NASP: variants seen among roughly 807,000 people sequenced by gnomAD.
NASP encodes NASP histone chaperone.
In NASP, 24 loss-of-function variants were observed where a neutral mutation model predicts 89.5. The ratio of observed to expected loss-of-function variants is 0.27; its 90% CI spans 0.19 to 0.38. The LOEUF is 0.38. NASP is among the 10% of genes least tolerant of loss of function. The pLI is 1.00. For synonymous variants in NASP, 306 were observed against 324.7 expected, an observed-to-expected ratio of 0.94 and a Z score of 0.62; for missense variants, 848 against 921.4, an observed-to-expected ratio of 0.92 and a Z score of 1.03.
intron 1 of NASP, among the ~76,000 whole-genome samples, chr1:45,587,687 T>TAATTTATATATATATATAA (rs1644576760): frequency 2.6e-5 from 2 of 78,200 alleles, no homozygotes; most frequent in Non-Finnish European, 4.5e-5. Context: ...TATATATATA[T>TAATTTATATATATATATAA]AATTAATTTT....
At chr1:45,607,017 CTATAGT>C (rs961417439) in intron 5 of NASP, among the ~76,000 whole-genome samples, 2 of 152,108 alleles carry the variant, frequency 1.3e-5, no homozygotes, top group African/African-American at 4.8e-5. Context: ...AATTTGGCTG[CTATAGT>C]TTTACATATC....
At chr1:45,613,611 A>G (rs528268214) in intron 7 of NASP, among the ~76,000 whole-genome samples, 25 of 152,278 alleles carry the variant, frequency 1.6e-4, no homozygotes, top group Non-Finnish European at 3.2e-4. Context: ...CTTCTCAGAT[A>G]GCTAGGTCTC....
chr1:45,596,808 C>T lies in NASP; in HGVS notation c.108-5447C>T, dbSNP rs529355581. Among the ~76,000 whole-genome samples the T allele has an allele frequency of 2.6e-5, 4 of 151,684 alleles. No homozygotes were observed. The South Asian group carries it at 8.3e-4, about 32-fold the overall frequency. ...ACCAGTTTGGCAAACATGGTAAAAC[C>T]CTGTCTCTAGTAAAAATACAAAAAT... On this transcript the variant is annotated intron_variant, in intron 2 of 14. Coordinates refer to ENST00000350030, the MANE Select transcript of NASP (RefSeq NM_002482.4).
At chr1:45,588,636 T>G (rs1429137496) in intron 1 of NASP, 6 of 454,058 alleles carry the variant, frequency 1.3e-5, no homozygotes, top group Non-Finnish European at 2.7e-5. Flanking sequence ...GTATAGTTTT[T>G]TTGTTTCTCT....
At chr1:45,606,325 A>G (rs1276261172) in intron 4 of NASP, among the ~76,000 whole-genome samples, 157 bp from the exon 5 acceptor site, 1 of 152,142 alleles carries the variant, frequency 6.6e-6, no homozygotes, top group Non-Finnish European at 1.5e-5. Context: ...ATATTACTAA[A>G]GTTTTGATCA....
At chr1:45,584,454 G>T (rs948919781) in intron 1 of NASP, among the ~76,000 whole-genome samples, 1 of 152,222 alleles carries the variant, frequency 6.6e-6, no homozygotes, top group African/African-American at 2.4e-5. Flanking sequence ...GCCGGGGGCA[G>T]CGGCGGCTGT....
In NASP at chr1:45,617,416, TA is replaced by T. The variant is rs781187893; in HGVS notation, c.2158-42del. 2.8e-5 allele frequency: 44 copies of T among 1,585,050 alleles called. 1 individual carries two copies. Among genetic ancestry groups the T allele is most frequent in the Admixed American group, 3.7e-5 (2 of 53,688 alleles). On this transcript the variant is annotated intron_variant, in intron 13 of 14. Transcript: ENST00000350030. ...AGGAAATGTTTTGCAGTTGTCTTTT[TA>T]AAAACATTAAGCACATTTGTGAAGC... is the stretch of plus-strand genomic sequence containing the variant.
At chr1:45,614,898 TA>T in intron 9 of NASP, 114 bp from the exon 10 acceptor site, 1 of 930,786 alleles carries the variant, frequency 1.1e-6, no homozygotes, top group Non-Finnish European at 1.6e-6. Context: ...GAAATAACTA[TA>T]AACAAAAATG....
In NASP at chr1:45,608,270, A is replaced by G. The variant is rs745398333; in HGVS notation, c.1359A>G (p.Glu453=). 2 of 1,613,900 alleles carry G rather than the reference A, an allele frequency of 1.2e-6. No homozygotes were observed. The highest frequency in any genetic ancestry group is 2.2e-5 in the South Asian group (2 of 91,048). Residue 453 remains glutamate, a synonymous_variant, in exon 6 of 15, where the codon GAA becomes GAG. Transcript: ENST00000350030. ...VAQGATEKSP[E]DKVQIAANEE... is the part of the protein sequence containing the mutation. ...AGGGAGCTACTGAGAAATCACCTGA[A>G]GACAAAGTTCAGATAGCTGCTAATG...
intron 6 of NASP, 35 bp downstream of exon 6, chr1:45,608,372 G>A: frequency 6.4e-7 from 1 of 1,562,804 alleles, no homozygotes; most frequent in Non-Finnish European, 8.7e-7. Context: ...AGTGGGTGGA[G>A]TACATTCTGG....
chr1:45,595,183 GTGTGTT>G (rs1329705192), intron 2 of NASP, among the ~76,000 whole-genome samples: 8 of 134,306 alleles, frequency 6.0e-5, no homozygotes, highest in East Asian at 2.1e-4. Flanking sequence ...GTGTGTGTGT[GTGTGTT>G]TTAGAGACAG....
chr1:45,614,404 C>A, intron 9 of NASP, 38 bp downstream of exon 9: 1 of 1,478,764 alleles, frequency 6.8e-7, no homozygotes, highest in Non-Finnish European at 9.5e-7. Flanking sequence ...CTACTCTCTT[C>A]AGCTCCCTCG....
rs549930188 is a variant in NASP, at chr1:45,603,010, C to G, written c.218+645C>G. 3.9e-5 allele frequency among the ~76,000 whole-genome samples: 6 copies of G among 152,272 alleles called. No homozygotes were observed. The East Asian group carries it at 1.2e-3, about 29-fold the overall frequency. The stretch of plus-strand genomic sequence containing the variant: ...TCCAAGCAAGTCATGATTGATAGTG[C>G]TATTATTAGCACAGCATTTTTTCAT... On this transcript the variant is annotated intron_variant, in intron 3 of 14. Coordinates refer to ENST00000350030, the MANE Select transcript of NASP (RefSeq NM_002482.4).
intron 1 of NASP, among the ~76,000 whole-genome samples, chr1:45,590,089 G>T (rs1030637916): frequency 1.8e-4 from 27 of 152,050 alleles, no homozygotes; most frequent in African/African-American, 6.3e-4. Context: ...GAAACTGTAG[G>T]GGGTGGAGCT....
chr1:45,616,505 A>G (rs1238479984), intron 12 of NASP, 112 bp downstream of exon 12: 1 of 1,497,938 alleles, frequency 6.7e-7, no homozygotes, highest in African/African-American at 1.4e-5. Flanking sequence ...GAGGCTTGGA[A>G]TTCAACACTA....
rs537828127 is a variant in NASP, at chr1:45,589,773, C to T, written c.60-1450C>T. 3.9e-5 allele frequency among the ~76,000 whole-genome samples: 6 copies of T among 151,910 alleles called. No homozygotes were observed. In the East Asian group the frequency reaches 5.8e-4, roughly 15 times the overall value. ...AAAATTAGCCAGGCGTGGTGGTGGG[C>T]GCCTGTAATCCCAGCTACTTGGGAG... is the stretch of plus-strand genomic sequence containing the variant. On this transcript the variant is annotated intron_variant, in intron 1 of 14. Transcript: ENST00000350030.
chr1:45,613,278 C>T (rs1644047936), intron 7 of NASP, 30 bp downstream of exon 7: 1 of 1,581,448 alleles, frequency 6.3e-7, no homozygotes, highest in Non-Finnish European at 8.6e-7. Context: ...GTACTGTTGT[C>T]AGCCTTTTTC....
intron 1 of NASP, among the ~76,000 whole-genome samples, chr1:45,586,288 T>TGTGTGTGTGTGTGTGTGTGTGTG (rs1644545081): frequency 3.1e-5 from 3 of 95,778 alleles, no homozygotes; most frequent in African/African-American, 9.8e-5. Flanking sequence ...GTGTGTGGTG[T>TGTGTGTGTGTGTGTGTGTGTGTG]GTGTGTGTGT....
intron 2 of NASP, among the ~76,000 whole-genome samples, chr1:45,600,862 T>C (rs1057062026): frequency 8.5e-5 from 13 of 152,224 alleles, no homozygotes; most frequent in African/African-American, 3.1e-4. Context: ...GGTCAGTCTT[T>C]TAAAATTTTA....
Sources: allele counts gnomAD v4.1 joint callset (sites outside exome capture counted in the v4.1 genomes callset), GRCh38; gene constraint gnomAD v4.1.1; transcripts MANE v1.5; gene names NCBI Gene and HGNC (gene_info 2026-07-23, HGNC 2026-07-21).